CDH18: variants seen among roughly 807,000 people sequenced by gnomAD.
The protein encoded by CDH18 is cadherin 18.
A neutral mutation model predicts 67.9 loss-of-function variants in CDH18; 31 were observed. The observed-to-expected ratio is 0.46, with a 90% CI of 0.34 to 0.62. CDH18 has a LOEUF of 0.62. Among genes scored for constraint, CDH18 ranks in the 20% least tolerant of loss-of-function variants. The probability of loss-of-function intolerance (pLI) is 0.01; values close to 1 mark genes in which losing one functional copy is unlikely to be tolerated. For missense variants in CDH18, 890 were observed against 975.5 expected, an observed-to-expected ratio of 0.91 and a Z score of 1.17; for synonymous variants, 362 against 347.2, an observed-to-expected ratio of 1.04 and a Z score of -0.48.
rs1265143542 is a variant in CDH18 at position 20,263,040 on chromosome 5, TG to T, written c.-579-7536del. The stretch of plus-strand genomic sequence containing the variant: ...AGGGAAGGGGAAGAAGGGACAGGGA[TG>T]GGGGGACAGAGGGATGAAGAGAGGG... On this transcript the variant is annotated intron_variant, in intron 1 of 14. Coordinates refer to the CDH18 transcript ENST00000507958. Among the ~76,000 whole-genome samples, 3 of 46,648 alleles carry T rather than the reference TG, an allele frequency of 6.4e-5. No homozygotes were observed. The East Asian group carries it at 2.1e-3, about 32-fold the overall frequency. 30.6% of individuals were successfully genotyped at this position (46,648 alleles called of 152,430 possible).
chr5:19,711,201 T>G (rs1472182325), intron 5 of CDH18, among the ~76,000 whole-genome samples: 2 of 151,948 alleles, frequency 1.3e-5, no homozygotes, highest in Non-Finnish European at 2.9e-5. Flanking sequence ...AATTCCTGAT[T>G]AAAACCTCAA....
intron 2 of CDH18, among the ~76,000 whole-genome samples, chr5:20,148,195 G>A (rs1175241383): frequency 6.6e-6 from 1 of 151,566 alleles, no homozygotes; most frequent in South Asian, 2.1e-4. Context: ...AGGTTCAAGC[G>A]ATTCTCCTGC....
At chr5:19,834,544 G>C (rs562180698) in intron 3 of CDH18, among the ~76,000 whole-genome samples, 22 of 151,996 alleles carry the variant, frequency 1.4e-4, no homozygotes, top group Admixed American at 1.2e-3. Context: ...TCTGATCTTA[G>C]TTATTTCTTG....
At chr5:20,229,869 A>G (rs1319205469) in intron 2 of CDH18, among the ~76,000 whole-genome samples, 1 of 152,126 alleles carries the variant, frequency 6.6e-6, no homozygotes, top group African/African-American at 2.4e-5. Context: ...AGCATTGTAA[A>G]TTAATAATAT....
intron 5 of CDH18, among the ~76,000 whole-genome samples, chr5:19,699,468 A>T (rs917241375): frequency 1.3e-5 from 2 of 152,174 alleles, no homozygotes; most frequent in African/African-American, 2.4e-5. Context: ...TTTATAAGTT[A>T]AATCCCTAAT....
chr5:20,368,130 T>C (rs1444147293), intron 1 of CDH18, among the ~76,000 whole-genome samples: 1 of 152,192 alleles, frequency 6.6e-6, no homozygotes, highest in African/African-American at 2.4e-5. Flanking sequence ...TTATAGCAAA[T>C]ATTGAAAGCT....
intron 5 of CDH18, among the ~76,000 whole-genome samples, chr5:19,688,181 C>A (rs1561050765): frequency 6.6e-6 from 1 of 152,166 alleles, no homozygotes; most frequent in African/African-American, 2.4e-5. Context: ...TCCACCTACC[C>A]AACCAGCCCA....
chr5:20,061,263 C>G (rs1468480061), intron 2 of CDH18, among the ~76,000 whole-genome samples: 1 of 150,848 alleles, frequency 6.6e-6, no homozygotes, highest in Non-Finnish European at 1.5e-5. Context: ...ATTAAGAACT[C>G]CACAAAAATT....
chr5:19,546,725 G>A (rs1736382089), intron 8 of CDH18, among the ~76,000 whole-genome samples: 1 of 152,154 alleles, frequency 6.6e-6, no homozygotes, highest in Non-Finnish European at 1.5e-5. Context: ...AACCTCCTGT[G>A]GAGAGGCATG....
intron 8 of CDH18, among the ~76,000 whole-genome samples, chr5:19,570,521 C>T (rs1195727491): frequency 1.3e-5 from 2 of 152,114 alleles, no homozygotes; most frequent in African/African-American, 4.8e-5. Context: ...AAATATCCCA[C>T]AGATACTGAG....
chr5:19,802,294 C>T (rs62355765), intron 3 of CDH18, among the ~76,000 whole-genome samples: 8,536 of 152,078 alleles, frequency 0.056, 306 homozygotes, highest in Non-Finnish European at 0.076. Flanking sequence ...CAAGCAATTA[C>T]CGAACAGACA....
chr5:20,536,901 T>C (rs1254911296), intron 1 of CDH18, among the ~76,000 whole-genome samples: 2 of 152,148 alleles, frequency 1.3e-5, no homozygotes, highest in African/African-American at 4.8e-5. Context: ...AAACAGCCCA[T>C]TGGAGCCTTG....
chr5:20,094,010 T>C (rs745668736), intron 2 of CDH18, among the ~76,000 whole-genome samples: 2 of 152,086 alleles, frequency 1.3e-5, no homozygotes, highest in African/African-American at 2.4e-5. Context: ...AAAGGCAGAC[T>C]CCTGGTGCCA....
At chr5:20,227,497 C>A (rs897825896) in intron 2 of CDH18, among the ~76,000 whole-genome samples, 1 of 152,084 alleles carries the variant, frequency 6.6e-6, no homozygotes, top group Non-Finnish European at 1.5e-5. Context: ...ATGTCTTAAT[C>A]TTTTCTCCAC....
chr5:19,920,913 A>ACACACACC (rs1340982171), intron 2 of CDH18, among the ~76,000 whole-genome samples: 1 of 151,696 alleles, frequency 6.6e-6, no homozygotes, highest in Non-Finnish European at 1.5e-5. Flanking sequence ...ACACACACAC[A>ACACACACC]CACACACATC....
intron 6 of CDH18, among the ~76,000 whole-genome samples, chr5:19,595,543 G>A (rs1009705076): frequency 4.6e-5 from 7 of 152,200 alleles, no homozygotes; most frequent in Non-Finnish European, 2.9e-5. Flanking sequence ...AGAATCGCTT[G>A]AACCTGGGAG....
At chr5:20,323,416 A>G (rs188126880) in intron 1 of CDH18, among the ~76,000 whole-genome samples, 1 of 152,286 alleles carries the variant, frequency 6.6e-6, no homozygotes, top group East Asian at 1.9e-4. Context: ...AGATTATATT[A>G]TACATTTTTA....
Position 19,767,651 on chromosome 5 carries a change from A to G in CDH18, c.229-20415T>C, listed in dbSNP as rs115773549. Among the ~76,000 whole-genome samples, 1,306 of 152,214 alleles carry G rather than the reference A, an allele frequency of 8.6e-3. 20 individuals carry two copies. The highest frequency in any genetic ancestry group is 0.03 in the African/African-American group (1,235 of 41,566). On this transcript the variant is annotated intron_variant, in intron 3 of 12. Coordinates refer to ENST00000382275, the MANE Select transcript of CDH18 (RefSeq NM_004934.5). The stretch of plus-strand genomic sequence containing the variant: ...AGAAAACAAAAACAGAGGGGACACA[A>G]TTAAAATAAAAACAATATTGTAGAC...
At chr5:20,189,556 T>G (rs1186942972) in intron 2 of CDH18, among the ~76,000 whole-genome samples, 3 of 152,102 alleles carry the variant, frequency 2.0e-5, no homozygotes, top group African/African-American at 7.2e-5. Context: ...TTGAAACACC[T>G]CTATGAGGGA....
Sources: allele counts gnomAD v4.1 joint callset (sites outside exome capture counted in the v4.1 genomes callset), GRCh38; gene constraint gnomAD v4.1.1; transcripts MANE v1.5; gene names NCBI Gene and HGNC (gene_info 2026-07-23, HGNC 2026-07-21).